Variants in AUTS2 observed in about 807,000 individuals in gnomAD.
AUTS2 encodes the protein autism susceptibility gene 2 protein.
In AUTS2, 17 loss-of-function variants were observed where a neutral mutation model predicts 112.4. The ratio of observed to expected loss-of-function variants is 0.15; its 90% CI spans 0.10 to 0.23. The LOEUF (loss-of-function observed/expected upper bound fraction) is 0.23. Ranked by LOEUF, AUTS2 falls within the 10% of genes least tolerant of loss-of-function variation. The pLI is 1.00. For missense variants in AUTS2, 1,510 were observed against 1,701.6 expected (o/e 0.89, Z 1.98); for synonymous variants, 751 against 702.7 (o/e 1.07, Z -1.09).
intron 1 of AUTS2, among the ~76,000 whole-genome samples, chr7:69,816,484 TAGGTA>T (rs1452599214): frequency 1.3e-5 from 2 of 152,160 alleles, no homozygotes; most frequent in Non-Finnish European, 2.9e-5. Context: ...CTCCAAACCG[TAGGTA>T]AGCTCTTCGG....
intron 2 of AUTS2, among the ~76,000 whole-genome samples, chr7:70,084,200 G>A (rs1330417663): frequency 6.6e-6 from 1 of 151,920 alleles, no homozygotes; most frequent in East Asian, 1.9e-4. Flanking sequence ...TTTTTTGGAG[G>A]AGGGGGGGTT....
chr7:70,308,393 C>T lies in AUTS2; in HGVS notation c.661-127359C>T, dbSNP rs868553359. ...CAGGGTTTCAGTAGTAAAGTATAGA[C>T]TAGTTTAAGAGCAAATTGATTAGAT... is the stretch of plus-strand genomic sequence containing the variant. On this transcript the variant is annotated intron_variant, in intron 4 of 18. Coordinates refer to ENST00000342771, the MANE Select transcript of AUTS2 (RefSeq NM_015570.4). 7.2e-5 allele frequency among the ~76,000 whole-genome samples: 11 copies of T among 152,282 alleles called. 1 individual carries two copies. The Middle Eastern group carries it at 0.01, about 141-fold the overall frequency.
chr7:70,692,800 A>G (rs1418068127), intron 5 of AUTS2, among the ~76,000 whole-genome samples: 1 of 149,788 alleles, frequency 6.7e-6, no homozygotes. Context: ...GTTTTTCAAG[A>G]GTGCCATGAA....
At chr7:70,550,226 A>C (rs1800963499) in intron 5 of AUTS2, among the ~76,000 whole-genome samples, 1 of 152,226 alleles carries the variant, frequency 6.6e-6, no homozygotes, top group African/African-American at 2.4e-5. Flanking sequence ...TTGGCTGAGC[A>C]AGCCAAGACT....
chr7:69,796,142 T>TAG (rs1234899598), intron 1 of AUTS2, among the ~76,000 whole-genome samples: 3 of 152,206 alleles, frequency 2.0e-5, no homozygotes, highest in African/African-American at 7.2e-5. Flanking sequence ...TTCAGTTCCT[T>TAG]TTCGCATCTT....
chr7:69,710,905 T>C (rs1386028079), intron 1 of AUTS2, among the ~76,000 whole-genome samples: 2 of 152,196 alleles, frequency 1.3e-5, no homozygotes, highest in Non-Finnish European at 2.9e-5. Context: ...TTGTCTGAAC[T>C]GGCCTGTGGA....
At chr7:70,612,960 T>C (rs2129534228) in intron 5 of AUTS2, among the ~76,000 whole-genome samples, 1 of 152,184 alleles carries the variant, frequency 6.6e-6, no homozygotes, top group Non-Finnish European at 1.5e-5. Flanking sequence ...AAGAGATTTA[T>C]GTGGAGGTCT....
At chr7:70,617,778 A>T (rs1392204249) in intron 5 of AUTS2, among the ~76,000 whole-genome samples, 3 of 152,170 alleles carry the variant, frequency 2.0e-5, no homozygotes. Flanking sequence ...AACTTTGTTA[A>T]GTTTGGGGAC....
chr7:70,127,022 T>A (rs1320424047), intron 3 of AUTS2, among the ~76,000 whole-genome samples: 1 of 152,142 alleles, frequency 6.6e-6, no homozygotes, highest in African/African-American at 2.4e-5. Context: ...AGATGGGGTT[T>A]TACCATGTTG....
intron 4 of AUTS2, among the ~76,000 whole-genome samples, chr7:70,282,963 A>G (rs1788290297): frequency 6.6e-6 from 1 of 152,212 alleles, no homozygotes; most frequent in South Asian, 2.1e-4. Context: ...AATTGTTGAC[A>G]TAAAGCTAAC....
At chr7:70,099,208 C>T (rs1002667868) in intron 2 of AUTS2, among the ~76,000 whole-genome samples, 2 of 152,042 alleles carry the variant, frequency 1.3e-5, no homozygotes, top group African/African-American at 4.8e-5. Flanking sequence ...AGCCACAAAA[C>T]TAGGAGAAGG....
At chr7:69,672,206 T>C (rs1796365296) in intron 1 of AUTS2, among the ~76,000 whole-genome samples, 1 of 152,058 alleles carries the variant, frequency 6.6e-6, no homozygotes, top group Non-Finnish European at 1.5e-5. Flanking sequence ...ATCACAGGCA[T>C]GCACCACCAT....
intron 1 of AUTS2, among the ~76,000 whole-genome samples, chr7:69,615,496 T>G (rs1447604105): frequency 6.6e-6 from 1 of 152,148 alleles, no homozygotes; most frequent in Admixed American, 6.5e-5. Flanking sequence ...AGAGACAGGA[T>G]TTCTCCATGT....
chr7:70,348,620 C>T (rs1224600398), intron 4 of AUTS2, among the ~76,000 whole-genome samples: 7 of 151,718 alleles, frequency 4.6e-5, no homozygotes, highest in African/African-American at 2.4e-5. Flanking sequence ...CTGGCTAACA[C>T]GGTGAAACCC....
At chr7:69,950,863 T>C (rs1245988739) in intron 2 of AUTS2, among the ~76,000 whole-genome samples, 1 of 152,062 alleles carries the variant, frequency 6.6e-6, no homozygotes, top group Non-Finnish European at 1.5e-5. Context: ...TCGGGTGCGG[T>C]GGCTTACGTC....
intron 5 of AUTS2, among the ~76,000 whole-genome samples, chr7:70,591,347 C>A (rs1445675136): frequency 6.6e-6 from 1 of 152,182 alleles, no homozygotes; most frequent in African/African-American, 2.4e-5. Flanking sequence ...TACTCCTTGA[C>A]AGGAAGCTTT....
At chr7:70,368,106 C>T (rs1380481305) in intron 4 of AUTS2, among the ~76,000 whole-genome samples, 2 of 152,112 alleles carry the variant, frequency 1.3e-5, no homozygotes, top group Non-Finnish European at 2.9e-5. Flanking sequence ...GAAGATCAAA[C>T]CTCTGGCCTA....
chr7:70,579,263 G>T (rs201237280), intron 5 of AUTS2, among the ~76,000 whole-genome samples: 3 of 36,826 alleles, frequency 8.1e-5, no homozygotes, highest in African/African-American at 2.0e-4. Flanking sequence ...AAAAAAAAAA[G>T]ATGAAGGGAG....
At chr7:69,980,213 G>C (rs1018769868) in intron 2 of AUTS2, among the ~76,000 whole-genome samples, 1 of 152,208 alleles carries the variant, frequency 6.6e-6, no homozygotes, top group Non-Finnish European at 1.5e-5. Flanking sequence ...CTCCTGAGCA[G>C]CTGGGATTAC....
Sources: allele counts gnomAD v4.1 joint callset (sites outside exome capture counted in the v4.1 genomes callset), GRCh38; gene constraint gnomAD v4.1.1; transcripts MANE v1.5; gene names NCBI Gene and HGNC (gene_info 2026-07-23, HGNC 2026-07-21).